The following WWOX variants were observed in gnomAD, a reference collection of about 807,000 sequenced individuals.
The protein encoded by WWOX is WW domain containing oxidoreductase, also known as WW domain-containing oxidoreductase.
In WWOX, 69 loss-of-function variants were observed where a neutral mutation model predicts 46.2. The observed-to-expected ratio is 1.49, with a 90% CI of 1.23 to 1.82. The LOEUF (loss-of-function observed/expected upper bound fraction) is 1.82. Among genes scored for constraint, WWOX ranks in the 40% most tolerant of loss-of-function variants. The probability of loss-of-function intolerance (pLI) is 0.00; values close to 1 mark genes in which losing one functional copy is unlikely to be tolerated. For missense variants in WWOX, 919 were observed against 542.6 expected (o/e 1.69, Z -6.89); for synonymous variants, 359 against 202.6 (o/e 1.77, Z -6.56).
chr16:78,967,826 G>A (rs11640254), intron 8 of WWOX, among the ~76,000 whole-genome samples: 1 of 152,248 alleles, frequency 6.6e-6, no homozygotes, highest in Non-Finnish European at 1.5e-5. Context: ...CAGGATGGGA[G>A]AGGATGGGAG....
intron 8 of WWOX, among the ~76,000 whole-genome samples, chr16:78,991,602 A>AAAAAAAC (rs2046888582): frequency 6.7e-6 from 1 of 150,316 alleles, no homozygotes; most frequent in Non-Finnish European, 1.5e-5. Context: ...CCTTGTCTCA[A>AAAAAAAC]AAAAAAAAAA....
At chr16:78,909,713 A>C (rs2045059604) in intron 8 of WWOX, among the ~76,000 whole-genome samples, 1 of 152,182 alleles carries the variant, frequency 6.6e-6, no homozygotes, top group African/African-American at 2.4e-5. Flanking sequence ...TTTGTTCTTT[A>C]AGCAAAACCA....
chr16:78,713,177 C>T (rs1198234988), intron 8 of WWOX, among the ~76,000 whole-genome samples: 1 of 144,334 alleles, frequency 6.9e-6, no homozygotes, highest in African/African-American at 2.6e-5. Flanking sequence ...GAGGTTGAGG[C>T]AGGAGGATTG....
chr16:78,626,304 C>T (rs773229679), intron 8 of WWOX, among the ~76,000 whole-genome samples: 1 of 151,960 alleles, frequency 6.6e-6, no homozygotes, highest in Non-Finnish European at 1.5e-5. Flanking sequence ...CTAATTTTTG[C>T]AGGATACCAC....
chr16:79,189,423 T>TTC (rs1325379168), intron 8 of WWOX, among the ~76,000 whole-genome samples: 1 of 114,918 alleles, frequency 8.7e-6, no homozygotes, highest in Non-Finnish European at 1.8e-5. Flanking sequence ...ACTCCCAGCT[T>TTC]TGTGTGTGTG....
intron 8 of WWOX, chr16:79,101,168 G>A (rs2049185014): frequency 6.6e-6 from 1 of 152,152 alleles, no homozygotes; most frequent in African/African-American, 2.4e-5. Context: ...CCAGAAATTG[G>A]CCTCGTTTGA....
At chr16:78,529,017 G>A (rs1234739634) in intron 8 of WWOX, among the ~76,000 whole-genome samples, 2 of 148,804 alleles carry the variant, frequency 1.3e-5, no homozygotes, top group Non-Finnish European at 3.0e-5. Context: ...ACAGTGGCAC[G>A]ATCTTGGCTT....
chr16:78,544,819 G>A (rs543727096), intron 8 of WWOX, among the ~76,000 whole-genome samples: 6 of 152,158 alleles, frequency 3.9e-5, no homozygotes, highest in African/African-American at 7.2e-5. Context: ...AGGCTGCAGT[G>A]AGCTGTGATC....
intron 8 of WWOX, among the ~76,000 whole-genome samples, chr16:78,685,092 T>C (rs2047824132): frequency 6.6e-6 from 1 of 152,214 alleles, no homozygotes; most frequent in South Asian, 2.1e-4. Context: ...ATCTTGCTTT[T>C]CAGTCTACTG....
At chr16:78,517,107 G>A (rs907357428) in intron 8 of WWOX, among the ~76,000 whole-genome samples, 4 of 152,166 alleles carry the variant, frequency 2.6e-5, no homozygotes, top group African/African-American at 9.7e-5. Flanking sequence ...AATCGGGGCA[G>A]CCATCCTTCA....
At chr16:79,102,249 C>T (rs938947107) in intron 8 of WWOX, among the ~76,000 whole-genome samples, 1 of 152,172 alleles carries the variant, frequency 6.6e-6, no homozygotes, top group African/African-American at 2.4e-5. Flanking sequence ...AGCTTGCTGT[C>T]TGCTTAGTTC....
intron 8 of WWOX, among the ~76,000 whole-genome samples, chr16:78,630,477 C>G (rs1269923983): frequency 6.6e-6 from 1 of 152,154 alleles, no homozygotes; most frequent in Non-Finnish European, 1.5e-5. Context: ...TGGCCAACTT[C>G]CAATAAAAAC....
At chr16:78,275,512 C>G (rs1462116161) in intron 5 of WWOX, among the ~76,000 whole-genome samples, 1 of 152,242 alleles carries the variant, frequency 6.6e-6, no homozygotes, top group African/African-American at 2.4e-5. Context: ...TCTTTGGCTT[C>G]TGCATCTCAA....
intron 8 of WWOX, among the ~76,000 whole-genome samples, chr16:79,024,254 T>C (rs1019040103): frequency 3.9e-5 from 6 of 152,184 alleles, no homozygotes; most frequent in African/African-American, 1.4e-4. Flanking sequence ...TTTTATTTTA[T>C]GTCTTATTTA....
intron 8 of WWOX, among the ~76,000 whole-genome samples, chr16:78,954,474 T>C (rs966926428): frequency 6.6e-6 from 1 of 152,156 alleles, no homozygotes; most frequent in Non-Finnish European, 1.5e-5. Context: ...CTTTTATATT[T>C]TACTAAAAAT....
chr16:78,408,455 T>A (rs2082600290), intron 6 of WWOX, among the ~76,000 whole-genome samples: 1 of 152,168 alleles, frequency 6.6e-6, no homozygotes, highest in African/African-American at 2.4e-5. Context: ...GTTTTCCTTT[T>A]AGTTAATAAA....
At chr16:78,368,411 C>T (rs1280893147) in intron 5 of WWOX, among the ~76,000 whole-genome samples, 1 of 152,184 alleles carries the variant, frequency 6.6e-6, no homozygotes, top group East Asian at 1.9e-4. Flanking sequence ...AGTGTGGACT[C>T]ATAAAGTCAC....
At chr16:78,244,204 A>G (rs544878791) in intron 5 of WWOX, among the ~76,000 whole-genome samples, 5 of 152,260 alleles carry the variant, frequency 3.3e-5, no homozygotes, top group African/African-American at 1.2e-4. Context: ...TCTCTTCCCG[A>G]TGGGGGTTAA....
intron 8 of WWOX, among the ~76,000 whole-genome samples, chr16:78,545,671 T>C (rs988460955): frequency 6.6e-6 from 1 of 152,218 alleles, no homozygotes; most frequent in Non-Finnish European, 1.5e-5. Flanking sequence ...TTGCTATGGC[T>C]AACATGACAA....
Sources: allele counts gnomAD v4.1 joint callset (sites outside exome capture counted in the v4.1 genomes callset), GRCh38; gene constraint gnomAD v4.1.1; transcripts MANE v1.5; gene names NCBI Gene and HGNC (gene_info 2026-07-23, HGNC 2026-07-21).